The following CFAP299 variants were observed in gnomAD, a reference collection of about 807,000 sequenced individuals.
CFAP299 encodes cilia- and flagella-associated protein 299.
CFAP299 carries 21 observed loss-of-function variants against 27.0 expected under a neutral mutation model. That is an observed-to-expected ratio of 0.78 (90% CI 0.55 to 1.12). The LOEUF is 1.12. Among genes scored for constraint, CFAP299 ranks in the 50% most tolerant of loss-of-function variants. The probability of loss-of-function intolerance (pLI) is 0.00; values close to 1 mark genes in which losing one functional copy is unlikely to be tolerated. For synonymous variants in CFAP299, 104 were observed against 98.1 expected, an observed-to-expected ratio of 1.06 and a Z score of -0.36; for missense variants, 310 against 276.6, an observed-to-expected ratio of 1.12 and a Z score of -0.86.
intron 3 of CFAP299, among the ~76,000 whole-genome samples, chr4:80,798,269 C>T (rs1727985813): frequency 6.6e-6 from 1 of 152,032 alleles, no homozygotes; most frequent in Admixed American, 6.6e-5. Context: ...CAGGGGAGGC[C>T]ATCACTGTTT....
intron 2 of CFAP299, among the ~76,000 whole-genome samples, chr4:80,409,846 T>C (rs2110059509): frequency 6.6e-6 from 1 of 152,316 alleles, no homozygotes; most frequent in East Asian, 1.9e-4. Flanking sequence ...AGCACACCAC[T>C]TCACTTGGAA....
chr4:80,635,722 C>T (rs1027557038), intron 3 of CFAP299, among the ~76,000 whole-genome samples: 15 of 152,092 alleles, frequency 9.9e-5, no homozygotes, highest in African/African-American at 3.6e-4. Context: ...TCCTTAGATT[C>T]CTCCCAGGTG....
chr4:80,448,552 A>C (rs1728749364), intron 2 of CFAP299, among the ~76,000 whole-genome samples: 1 of 152,136 alleles, frequency 6.6e-6, no homozygotes, highest in Admixed American at 6.5e-5. Flanking sequence ...TTAAACCTTA[A>C]ATTTTCTTTT....
chr4:80,737,863 A>C (rs958644054), intron 3 of CFAP299, among the ~76,000 whole-genome samples: 1 of 152,164 alleles, frequency 6.6e-6, no homozygotes, highest in South Asian at 2.1e-4. Context: ...GTAGACACTT[A>C]TAGCTATAAA....
At chr4:80,328,712 C>T in the CFAP299 span, among the ~76,000 whole-genome samples, 13,585 of 152,096 alleles carry the variant, frequency 0.089, 1,366 homozygotes, top group African/African-American at 0.25. Flanking sequence ...CAGAAAACTG[C>T]ACGATATGAC....
chr4:80,555,563 G>A (rs997032088), intron 2 of CFAP299, among the ~76,000 whole-genome samples: 5 of 152,106 alleles, frequency 3.3e-5, no homozygotes, highest in Admixed American at 3.3e-4. Context: ...AATAGTTTCA[G>A]TAGGGATAAT....
At position 80,786,638 on chromosome 4, in the gene CFAP299, G is replaced by A. The variant is rs140993035; in HGVS notation, c.334-83355G>A. On this transcript the variant is annotated intron_variant, in intron 3 of 5. Coordinates refer to ENST00000358105, the MANE Select transcript of CFAP299 (RefSeq NM_152770.3). Reference sequence around the variant, plus strand: ...TTATAGTAACTGTGCTGTGTAGCAGGCTTGCAAATATATGATACATTTTGA... The same window carrying A: ...TTATAGTAACTGTGCTGTGTAGCAGACTTGCAAATATATGATACATTTTGA... Among the ~76,000 whole-genome samples, 439 of 152,206 alleles carry A rather than the reference G, an allele frequency of 2.9e-3. 4 individuals are homozygous for A. The highest frequency in any genetic ancestry group is 8.9e-3 in the African/African-American group (368 of 41,552).
rs565130064 is a variant in CFAP299, at chr4:80,386,517, G to A, written c.242+23633G>A. On this transcript the variant is annotated intron_variant, in intron 2 of 5. Transcript: ENST00000358105. ...CCTCTTCTCGCGGGCGGTGGTGGGGGGGGGGGGTGCCGCCGGGTTTGCAGG... is the reference window on the plus strand; with the variant it reads ...CCTCTTCTCGCGGGCGGTGGTGGGGAGGGGGGGTGCCGCCGGGTTTGCAGG... The A allele has an allele frequency of 2.9e-4, 425 of 1,489,402 alleles. 1 individual carries two copies. In the African/African-American group the frequency reaches 5.3e-3, roughly 19 times the overall value. 92.3% of individuals were successfully genotyped at this position (1,489,402 alleles called of 1,614,324 possible). A position where few individuals can be genotyped will look rare whatever the true frequency, so the allele number is the denominator to read the frequency against.
At chr4:80,553,413 C>T (rs1734624232) in intron 2 of CFAP299, among the ~76,000 whole-genome samples, 1 of 152,138 alleles carries the variant, frequency 6.6e-6, no homozygotes, top group African/African-American at 2.4e-5. Context: ...CATTGATAGG[C>T]ATTTAGGTTG....
At chr4:80,518,736 G>A (rs1426700802) in intron 2 of CFAP299, among the ~76,000 whole-genome samples, 4 of 152,122 alleles carry the variant, frequency 2.6e-5, no homozygotes, top group Non-Finnish European at 4.4e-5. Flanking sequence ...TGCTGGCTTT[G>A]CTTGGCCATC....
Position 80,577,716 on chromosome 4 carries a change from T to C in CFAP299, c.243-5377T>C, listed in dbSNP as rs182718684. Among the ~76,000 whole-genome samples the C allele has an allele frequency of 3.0e-3, 451 of 152,232 alleles. 2 individuals are homozygous for C. The highest frequency in any genetic ancestry group is 0.01 in the African/African-American group (422 of 41,552). ...ACGCCCGACCTAGAAAACATCTTAA[T>C]GATTAATCAAACTTTGTTTGTTAGA... On this transcript the variant is annotated intron_variant, in intron 2 of 5. Transcript: ENST00000358105.
intron 2 of CFAP299, among the ~76,000 whole-genome samples, chr4:80,390,870 C>CACATATGT (rs1560543881): frequency 4.0e-5 from 4 of 100,286 alleles, no homozygotes; most frequent in African/African-American, 1.4e-4. Context: ...TATATGCGCA[C>CACATATGT]ATATATGTAT....
chr4:80,589,919 A>G (rs1317599747), intron 3 of CFAP299, among the ~76,000 whole-genome samples: 2 of 152,172 alleles, frequency 1.3e-5, no homozygotes, highest in African/African-American at 4.8e-5. Flanking sequence ...TATAATCTTT[A>G]TACTAGTAGA....
the CFAP299 span, among the ~76,000 whole-genome samples, chr4:80,324,368 A>AT: frequency 6.6e-6 from 1 of 152,142 alleles, no homozygotes; most frequent in Non-Finnish European, 1.5e-5. Flanking sequence ...TCTGCAATCA[A>AT]TTTTTATTGT....
chr4:80,929,254 A>ATGGCACCACTACTCATCCGGTCTC (rs1345026196), intron 4 of CFAP299, among the ~76,000 whole-genome samples: 1 of 151,678 alleles, frequency 6.6e-6, no homozygotes, highest in Non-Finnish European at 1.5e-5. Flanking sequence ...TCCAATCTCT[A>ATGGCACCACTACTCATCCGGTCTC]TGGCACCACT....
At chr4:80,626,859 T>C (rs531372188) in intron 3 of CFAP299, among the ~76,000 whole-genome samples, 14 of 151,584 alleles carry the variant, frequency 9.2e-5, no homozygotes, top group Middle Eastern at 3.4e-3. Flanking sequence ...TAAAGTCTCC[T>C]ATCAAAGAAG....
chr4:80,398,995 A>G (rs527854729), intron 2 of CFAP299, among the ~76,000 whole-genome samples: 101 of 152,048 alleles, frequency 6.6e-4, no homozygotes, highest in African/African-American at 2.2e-3. Flanking sequence ...AATTTACAAG[A>G]AAAAAACAAA....
chr4:80,918,154 T>C (rs991465351), intron 4 of CFAP299, among the ~76,000 whole-genome samples: 1 of 152,194 alleles, frequency 6.6e-6, no homozygotes, highest in Non-Finnish European at 1.5e-5. Flanking sequence ...CAGTATCTTA[T>C]GTTGTCCTGG....
chr4:80,821,417 C>A (rs536747402), intron 3 of CFAP299, among the ~76,000 whole-genome samples: 2 of 152,268 alleles, frequency 1.3e-5, no homozygotes, highest in South Asian at 4.1e-4. Context: ...CCACCTCCCT[C>A]ATTTTTGGAA....
Sources: allele counts gnomAD v4.1 joint callset (sites outside exome capture counted in the v4.1 genomes callset), GRCh38; gene constraint gnomAD v4.1.1; transcripts MANE v1.5; gene names NCBI Gene and HGNC (gene_info 2026-07-23, HGNC 2026-07-21).